Variants in GOLGA1 observed in about 807,000 individuals in gnomAD.
GOLGA1 encodes the protein golgin A1, also known as golgin subfamily A member 1.
In GOLGA1, 63 loss-of-function variants were observed where a neutral mutation model predicts 119.7. The observed-to-expected ratio is 0.53, with a 90% CI of 0.43 to 0.65. GOLGA1 has a LOEUF of 0.65. Ranked by LOEUF, GOLGA1 falls within the 30% of genes least tolerant of loss-of-function variation. GOLGA1 has a pLI of 0.00. For synonymous variants in GOLGA1, 318 were observed against 333.4 expected (o/e 0.95, Z 0.50); for missense variants, 798 against 912.8 (o/e 0.87, Z 1.62).
chr9:124,889,327 G>C lies in GOLGA1; in HGVS notation c.1601-24C>G, dbSNP rs369039748. The C allele has an allele frequency of 4.3e-6, 7 of 1,611,428 alleles. No homozygotes were observed. The African/African-American group carries it at 8.0e-5, about 18-fold the overall frequency. ...ACCTAGGTCGGGGAGGAGGGGAGGG[G>C]GCACTGTGAGCCCAGTGACTCCATG... On this transcript the variant is annotated intron_variant, in intron 17 of 22. Transcript: ENST00000373555.
chr9:124,918,260 C>T (rs1830492079), intron 10 of GOLGA1, among the ~76,000 whole-genome samples: 1 of 152,122 alleles, frequency 6.6e-6, no homozygotes, highest in Admixed American at 6.5e-5. Context: ...GTCTGACTTC[C>T]CTTCTAGACT....
intron 15 of GOLGA1, among the ~76,000 whole-genome samples, chr9:124,893,622 C>G (rs1367174767): frequency 6.6e-6 from 1 of 152,146 alleles, no homozygotes; most frequent in Non-Finnish European, 1.5e-5. Context: ...ACTTCCCGTT[C>G]AAGCTTACTC....
chr9:124,893,580 G>A (rs534509772), intron 15 of GOLGA1, among the ~76,000 whole-genome samples: 2 of 152,238 alleles, frequency 1.3e-5, no homozygotes, highest in South Asian at 4.1e-4. Context: ...TGCAATCAAA[G>A]CTGGGGGCGG....
intron 10 of GOLGA1, among the ~76,000 whole-genome samples, chr9:124,916,240 A>G (rs1186134458): frequency 6.6e-6 from 1 of 151,968 alleles, no homozygotes; most frequent in Non-Finnish European, 1.5e-5. Flanking sequence ...AAGTTGAAAG[A>G]TAATGGCTAC....
At chr9:124,922,250 A>G (rs1830585980) in intron 8 of GOLGA1, among the ~76,000 whole-genome samples, 1 of 148,706 alleles carries the variant, frequency 6.7e-6, no homozygotes, top group Non-Finnish European at 1.5e-5. Flanking sequence ...GAAGTAAAAA[A>G]GAAAAATACA....
At chr9:124,915,183 G>A (rs142022261) in intron 10 of GOLGA1, among the ~76,000 whole-genome samples, 156 of 152,080 alleles carry the variant, frequency 1.0e-3, no homozygotes, top group Non-Finnish European at 1.9e-3. Flanking sequence ...ACAGACATGA[G>A]TCTGAATCCT....
chr9:124,940,037 A>G (rs1247544879), intron 2 of GOLGA1, 69 bp downstream of exon 2: 1 of 152,226 alleles, frequency 6.6e-6, no homozygotes, highest in Non-Finnish European at 1.5e-5. Flanking sequence ...TTACCACTTC[A>G]GATCCTCCAT....
chr9:124,899,234 T>C, intron 14 of GOLGA1, 95 bp downstream of exon 14: 2 of 1,178,398 alleles, frequency 1.7e-6, no homozygotes, highest in South Asian at 3.1e-5. Context: ...GGTTTCCTAG[T>C]GCAGAGGTGG....
chr9:124,895,839 G>GAA (rs1201288903), intron 15 of GOLGA1, among the ~76,000 whole-genome samples: 2 of 140,458 alleles, frequency 1.4e-5, no homozygotes, highest in African/African-American at 5.4e-5. Flanking sequence ...CCACAACAGA[G>GAA]AACCCTCCAC....
chr9:124,929,208 A>G lies in GOLGA1; in HGVS notation c.301+8T>C, dbSNP rs987009741. 10 of 1,550,262 alleles carry G rather than the reference A, an allele frequency of 6.5e-6. No individual in the cohort carries two copies. Among genetic ancestry groups the G allele is most frequent in the Non-Finnish European group, 8.9e-6 (10 of 1,121,974 alleles). On this transcript the variant is annotated splice_region_variant and intron_variant, in intron 5 of 22. Coordinates refer to ENST00000373555, the MANE Select transcript of GOLGA1 (RefSeq NM_002077.4). ...AAAGATTGAAAAAAGCAGGAAAAAAATACGTACAATCCTGGTGTTTTTCTA... is the reference window on the plus strand; with the variant it reads ...AAAGATTGAAAAAAGCAGGAAAAAAGTACGTACAATCCTGGTGTTTTTCTA...
rs973903490 is a variant in GOLGA1 at position 124,880,051 on chromosome 9, G to C, written c.*479C>G. On this transcript the variant is annotated 3_prime_UTR_variant, in exon 23 of 23. Transcript: ENST00000373555. ...GGGATAAAAAGCTTCTAACTCATCT[G>C]AATTTTTAAAAGCCACTCCCATAGA... The C allele has an allele frequency of 6.5e-6, 1 of 152,994 alleles. No homozygotes were observed. Among genetic ancestry groups the C allele is most frequent in the African/African-American group, 2.4e-5 (1 of 41,444 alleles). 9.5% of individuals were successfully genotyped at this position (152,994 alleles called of 1,614,324 possible).
chr9:124,895,225 G>A, intron 15 of GOLGA1, among the ~76,000 whole-genome samples: 1 of 110,784 alleles, frequency 9.0e-6, no homozygotes, highest in East Asian at 3.0e-4. Context: ...CCATCCACAA[G>A]AGAGAACCCT....
At position 124,880,269 on chromosome 9, in the gene GOLGA1, G is replaced by A. The variant is rs955547894; in HGVS notation, c.*261C>T. 12 of 318,544 alleles carry A rather than the reference G, an allele frequency of 3.8e-5. No individual in the cohort carries two copies. In the South Asian group the frequency reaches 4.1e-4, roughly 11 times the overall value. 19.7% of individuals were successfully genotyped at this position (318,544 alleles called of 1,614,324 possible). Reference sequence around the variant, plus strand: ...TCAGGTGCAGATGGGGTGCTGGCTGGAGCTGGGATATTAGCAGCACTGTGG... The same window carrying A: ...TCAGGTGCAGATGGGGTGCTGGCTGAAGCTGGGATATTAGCAGCACTGTGG... On this transcript the variant is annotated 3_prime_UTR_variant, in exon 23 of 23. Coordinates refer to ENST00000373555, the MANE Select transcript of GOLGA1 (RefSeq NM_002077.4).
rs377727059 is a variant in GOLGA1, at chr9:124,881,795, G to A, written c.2125C>T (p.Arg709Cys). 1.4e-5 allele frequency: 22 copies of A among 1,609,704 alleles called. No homozygotes were observed. Among genetic ancestry groups the A allele is most frequent in the Non-Finnish European group, 1.6e-5 (19 of 1,178,026 alleles). The change falls in exon 21 of 23, where the codon CGC becomes TGC. Residue 709 changes from arginine (R) to cysteine (C), a missense_variant. Arg to Cys is a radical substitution (Grantham distance 180). Coordinates refer to ENST00000373555, the MANE Select transcript of GOLGA1 (RefSeq NM_002077.4). The surrounding 1 kb of genome is among the most constrained non-coding windows in gnomAD (Gnocchi z 4.9). ...KHVVLKFMSC[R>C]ESEAFHLIKA... Reference sequence around the variant, plus strand: ...CAAAAGCCCTTTACCTCGGATTCGCGACAAGACATGAATTTTAAAACCACA... The same window carrying A: ...CAAAAGCCCTTTACCTCGGATTCGCAACAAGACATGAATTTTAAAACCACA...
rs964245982 is a variant in GOLGA1 at position 124,888,828 on chromosome 9, T to C, written c.1761+315A>G. ...CATTCTCCTGCCTCAGCCTCCCGAG[T>C]AGCTGGGACTACAGGCACTCGCCAC... On this transcript the variant is annotated intron_variant, in intron 18 of 22. Transcript: ENST00000373555. The surrounding 1 kb of genome is among the most constrained non-coding windows in gnomAD (Gnocchi z 4.4). 6.6e-6 allele frequency among the ~76,000 whole-genome samples: 1 copy of C among 152,106 alleles called. No individual in the cohort carries two copies. Among genetic ancestry groups the C allele is most frequent in the African/African-American group, 2.4e-5 (1 of 41,410 alleles).
At chr9:124,934,297 C>T (rs1737387148) in intron 3 of GOLGA1, among the ~76,000 whole-genome samples, 1 of 152,114 alleles carries the variant, frequency 6.6e-6, no homozygotes, top group South Asian at 2.1e-4. Context: ...TAATGCAGTA[C>T]AGCAGGTGCT....
intron 15 of GOLGA1, among the ~76,000 whole-genome samples, chr9:124,891,892 GCCTTGGCCTC>G (rs1338576711): frequency 5.3e-5 from 8 of 151,908 alleles, no homozygotes; most frequent in Non-Finnish European, 1.2e-4. Flanking sequence ...TGATCTACCT[GCCTTGGCCTC>G]CCAAAATGCT....
At chr9:124,883,061 C>T (rs1829627934) in intron 19 of GOLGA1, among the ~76,000 whole-genome samples, 1 of 152,102 alleles carries the variant, frequency 6.6e-6, no homozygotes, top group South Asian at 2.1e-4. Context: ...TTTTTCTGCA[C>T]AACTCATCAA....
At position 124,878,428 on chromosome 9, in the gene GOLGA1, A is replaced by G. The variant is rs1588048560; in HGVS notation, c.*2102T>C. 6.6e-6 allele frequency: 1 copy of G among 152,664 alleles called. No individual in the cohort carries two copies. The highest frequency in any genetic ancestry group is 1.5e-5 in the Non-Finnish European group (1 of 68,050). 9.5% of individuals were successfully genotyped at this position (152,664 alleles called of 1,614,324 possible). ...ATTGCACCACAGATGAATTTGCTAC[A>G]GCAGTTTTCAAGAATACAATCCCTA... is the stretch of plus-strand genomic sequence containing the variant. On this transcript the variant is annotated 3_prime_UTR_variant, in exon 23 of 23. Coordinates refer to ENST00000373555, the MANE Select transcript of GOLGA1 (RefSeq NM_002077.4).
Sources: gnomAD v4.1 joint callset for allele counts (sites outside exome capture counted in the v4.1 genomes callset) on GRCh38, gnomAD v4.1.1 for gene constraint, Gnocchi (gnomAD v3.1) non-coding constraint, MANE v1.5 for transcripts, NCBI Gene and HGNC (gene_info 2026-07-23, HGNC 2026-07-21) for gene names.